The following KCNQ5 variants were observed in gnomAD, a reference collection of about 807,000 sequenced individuals.
The protein encoded by KCNQ5 is potassium voltage-gated channel subfamily Q member 5.
KCNQ5 carries 30 observed loss-of-function variants against 98.2 expected under a neutral mutation model. The observed-to-expected ratio is 0.31, with a 90% CI of 0.23 to 0.41. The LOEUF is 0.41. Among genes scored for constraint, KCNQ5 ranks in the 10% least tolerant of loss-of-function variants. The probability of loss-of-function intolerance (pLI) is 1.00; values close to 1 mark genes in which losing one functional copy is unlikely to be tolerated. For missense variants in KCNQ5, 835 were observed against 1,182.5 expected, an observed-to-expected ratio of 0.71 and a Z score of 4.31; for synonymous variants, 458 against 449.4, an observed-to-expected ratio of 1.02 and a Z score of -0.24.
intron 1 of KCNQ5, among the ~76,000 whole-genome samples, chr6:72,774,212 C>T (rs1210731079): frequency 6.6e-6 from 1 of 152,114 alleles, no homozygotes; most frequent in Non-Finnish European, 1.5e-5. Context: ...TTAAATATTT[C>T]AGGCTTTGCA....
At chr6:72,986,869 C>G in intron 1 of KCNQ5, 1 of 927,932 alleles carries the variant, frequency 1.1e-6, no homozygotes, top group Non-Finnish European at 1.8e-6. Flanking sequence ...ACCCTTGGTT[C>G]TGCGAGGCTG....
intron 1 of KCNQ5, among the ~76,000 whole-genome samples, chr6:72,869,496 T>C (rs532291806): frequency 2.0e-5 from 3 of 152,356 alleles, no homozygotes; most frequent in Admixed American, 1.3e-4. Flanking sequence ...GAACTTTAGT[T>C]TTTCCATTTT....
chr6:72,999,505 A>T (rs145976096), intron 1 of KCNQ5, among the ~76,000 whole-genome samples: 34 of 152,328 alleles, frequency 2.2e-4, no homozygotes, highest in Middle Eastern at 3.4e-3. Context: ...TAACGTATAC[A>T]TGGAAAAACA....
intron 1 of KCNQ5, among the ~76,000 whole-genome samples, chr6:72,935,461 C>T (rs1175288552): frequency 1.1e-4 from 17 of 152,072 alleles, no homozygotes; most frequent in Admixed American, 1.1e-3. Context: ...AAATTTATGA[C>T]CATATGTCTC....
intron 1 of KCNQ5, among the ~76,000 whole-genome samples, chr6:72,676,028 G>A (rs1294288542): frequency 6.6e-6 from 1 of 152,158 alleles, no homozygotes; most frequent in African/African-American, 2.4e-5. Context: ...TGTATCTTTG[G>A]AGATACAATT....
intron 5 of KCNQ5, among the ~76,000 whole-genome samples, chr6:73,078,737 C>A (rs889077723): frequency 5.3e-5 from 8 of 152,194 alleles, no homozygotes; most frequent in Non-Finnish European, 4.4e-5. Context: ...CAGTTATCAA[C>A]AACTTACAGA....
intron 1 of KCNQ5, among the ~76,000 whole-genome samples, chr6:72,759,525 C>G (rs1772143292): frequency 6.6e-6 from 1 of 152,052 alleles, no homozygotes. Flanking sequence ...TTATATCTGG[C>G]AGAGGCATCA....
At chr6:72,947,561 G>T (rs1267326442) in intron 1 of KCNQ5, among the ~76,000 whole-genome samples, 1 of 152,006 alleles carries the variant, frequency 6.6e-6, no homozygotes, top group Non-Finnish European at 1.5e-5. Context: ...GTGTTGAAGG[G>T]TTTCTTACTC....
chr6:73,101,179 CA>C (rs2150415150), intron 5 of KCNQ5, among the ~76,000 whole-genome samples: 1 of 152,218 alleles, frequency 6.6e-6, no homozygotes, highest in East Asian at 1.9e-4. Flanking sequence ...ACAAAAAATG[CA>C]TTTAAAAAAG....
intron 1 of KCNQ5, among the ~76,000 whole-genome samples, chr6:72,860,843 G>A (rs2840797): frequency 0.3 from 39,994 of 135,346 alleles, 5,414 homozygotes; most frequent in South Asian, 0.39. Flanking sequence ...AGGCATGTGT[G>A]TGTGTGTGTG....
intron 2 of KCNQ5, among the ~76,000 whole-genome samples, chr6:73,005,198 A>G (rs1453354594): frequency 6.6e-6 from 1 of 152,240 alleles, no homozygotes; most frequent in East Asian, 1.9e-4. Flanking sequence ...GGTAGAGAAC[A>G]GATAGACCAA....
intron 10 of KCNQ5, chr6:73,158,266 T>TG (rs1562212033): frequency 2.4e-5 from 4 of 169,038 alleles, no homozygotes; most frequent in Non-Finnish European, 3.7e-5. Flanking sequence ...TTTTTTTTTT[T>TG]TTTTTTTTTT....
At chr6:72,902,818 C>G (rs1356782332) in intron 1 of KCNQ5, among the ~76,000 whole-genome samples, 1 of 151,930 alleles carries the variant, frequency 6.6e-6, no homozygotes. Flanking sequence ...TGGTTATGTC[C>G]TTTCCTGATT....
intron 1 of KCNQ5, among the ~76,000 whole-genome samples, chr6:72,730,568 T>C (rs1770506300): frequency 6.6e-6 from 1 of 152,218 alleles, no homozygotes; most frequent in Admixed American, 6.5e-5. Flanking sequence ...ATTTATTGTA[T>C]AGCTCATCTT....
chr6:72,629,865 C>T (rs1249437160), intron 1 of KCNQ5, among the ~76,000 whole-genome samples: 1 of 152,182 alleles, frequency 6.6e-6, no homozygotes, highest in Non-Finnish European at 1.5e-5. Context: ...CACACATCTG[C>T]ACTTTTTTTC....
intron 5 of KCNQ5, among the ~76,000 whole-genome samples, 184 bp downstream of exon 5, chr6:73,078,071 G>T (rs1294923718): frequency 6.6e-6 from 1 of 151,532 alleles, no homozygotes; most frequent in Non-Finnish European, 1.5e-5. Context: ...CAACTAAGTT[G>T]TCTTGTAAAC....
At chr6:72,645,181 G>C (rs1467475135) in intron 1 of KCNQ5, among the ~76,000 whole-genome samples, 2 of 143,712 alleles carry the variant, frequency 1.4e-5, no homozygotes, top group African/African-American at 5.4e-5. Flanking sequence ...ATCAATCTGG[G>C]CTATATAGTG....
intron 5 of KCNQ5, among the ~76,000 whole-genome samples, chr6:73,082,163 G>A (rs2150396107): frequency 6.6e-6 from 1 of 152,290 alleles, no homozygotes; most frequent in Non-Finnish European, 1.5e-5. Flanking sequence ...TGGGGAGGTA[G>A]CAGGGCAAAG....
At chr6:72,906,988 T>C (rs1376516793) in intron 1 of KCNQ5, among the ~76,000 whole-genome samples, 1 of 152,204 alleles carries the variant, frequency 6.6e-6, no homozygotes. Context: ...TGGGGTCATG[T>C]TTTTCTTAAA....
Sources: gnomAD v4.1 joint callset for allele counts (sites outside exome capture counted in the v4.1 genomes callset) on GRCh38, gnomAD v4.1.1 for gene constraint, MANE v1.5 for transcripts, NCBI Gene and HGNC (gene_info 2026-07-23, HGNC 2026-07-21) for gene names.